Variants in SREBF2 observed in about 807,000 individuals in gnomAD.
SREBF2 encodes sterol regulatory element binding transcription factor 2, also known as sterol regulatory element-binding protein 2.
Under a neutral mutation model 113.1 loss-of-function variants are expected in SREBF2, and 55 were observed. The observed-to-expected ratio is 0.49, with a 90% confidence interval of 0.39 to 0.61. The LOEUF (loss-of-function observed/expected upper bound fraction) is 0.61, where lower values mean the gene tolerates loss of function less well. SREBF2 is among the 20% of genes least tolerant of loss of function. The pLI, the probability that SREBF2 is intolerant of heterozygous loss-of-function variation, is 0.00. For missense variants in SREBF2, 1,349 were observed against 1,487.4 expected, an observed-to-expected ratio of 0.91 and a Z score of 1.53; for synonymous variants, 593 against 605.7, an observed-to-expected ratio of 0.98 and a Z score of 0.31.
At chr22:41,883,615 G>C (rs970108365) in intron 10 of SREBF2, among the ~76,000 whole-genome samples, 3 of 152,206 alleles carry the variant, frequency 2.0e-5, no homozygotes, top group Non-Finnish European at 4.4e-5. Flanking sequence ...GTGAGGCACT[G>C]AGGGGACAGA....
chr22:41,862,702 A>G (rs2077037802), intron 1 of SREBF2, among the ~76,000 whole-genome samples: 1 of 152,150 alleles, frequency 6.6e-6, no homozygotes, highest in East Asian at 1.9e-4. Flanking sequence ...CTGGTTCTCC[A>G]GGCCTCCTCT....
Position 41,884,843 on chromosome 22 carries a change from G to A in SREBF2, c.2040G>A (p.Gly680=), listed in dbSNP as rs753901242. The A allele has an allele frequency of 6.2e-7, 1 of 1,614,198 alleles. No homozygotes were observed. Among genetic ancestry groups the A allele is most frequent in the South Asian group, 1.1e-5 (1 of 91,082 alleles). ...YHRLHQLHIT[G]KLPAGSACSD... ...AGTGTCTGTTTCTGCCCACCCTAGG[G>A]AAGCTTCCTGCAGGATCCGCCTGTT... Residue 680 remains glycine (G), a splice_region_variant and synonymous_variant, in exon 11 of 19, where the codon GGG becomes GGA. Coordinates refer to ENST00000361204, the MANE Select transcript of SREBF2 (RefSeq NM_004599.4).
intron 1 of SREBF2, among the ~76,000 whole-genome samples, chr22:41,861,318 C>T (rs1168679470): frequency 2.0e-5 from 3 of 151,954 alleles, no homozygotes; most frequent in Non-Finnish European, 2.9e-5. Flanking sequence ...CCCCTCTCTA[C>T]TAAAAATACA....
At chr22:41,894,767 A>T (rs1343258944) in intron 12 of SREBF2, 53 bp from the exon 13 acceptor site, 4 of 1,477,728 alleles carry the variant, frequency 2.7e-6, no homozygotes, top group Non-Finnish European at 2.8e-6. Context: ...GTAAAGACAA[A>T]GTGGGCTCAT....
chr22:41,858,470 G>A (rs1602289637), intron 1 of SREBF2, among the ~76,000 whole-genome samples: 1 of 152,110 alleles, frequency 6.6e-6, no homozygotes, highest in Non-Finnish European at 1.5e-5. Flanking sequence ...TAAAAAACAC[G>A]GAGTGGGCAT....
intron 11 of SREBF2, chr22:41,891,508 C>T (rs1376653584): frequency 1.3e-5 from 2 of 152,208 alleles, no homozygotes; most frequent in Non-Finnish European, 2.9e-5. Flanking sequence ...CAGGTTCCCC[C>T]TGGAGAGAGA....
intron 1 of SREBF2, chr22:41,834,485 A>G (rs1449394334): frequency 6.6e-6 from 1 of 152,642 alleles, no homozygotes; most frequent in Non-Finnish European, 1.5e-5. Context: ...TGTACTTTTC[A>G]GTTTTCAGAA....
intron 9 of SREBF2, chr22:41,878,779 C>T: frequency 7.8e-7 from 1 of 1,287,744 alleles, no homozygotes; most frequent in Non-Finnish European, 1.0e-6. Flanking sequence ...GGCCTGCCCT[C>T]CCCACCTCTG....
At chr22:41,864,939 C>T (rs2077061544) in intron 1 of SREBF2, among the ~76,000 whole-genome samples, 1 of 151,890 alleles carries the variant, frequency 6.6e-6, no homozygotes, top group Non-Finnish European at 1.5e-5. Context: ...GGTGACAGAG[C>T]AATACCCTAT....
At chr22:41,886,969 G>A (rs1745131783) in intron 11 of SREBF2, among the ~76,000 whole-genome samples, 1 of 152,230 alleles carries the variant, frequency 6.6e-6, no homozygotes. Context: ...AGGAGGTGGA[G>A]GGTGCATTGA....
chr22:41,906,506 T>C lies in SREBF2; in HGVS notation c.*846T>C, dbSNP rs1442504512. On this transcript the variant is annotated 3_prime_UTR_variant, in exon 19 of 19. Transcript: ENST00000361204. ...CCTTCAGCATGGCTTCTAGGTTCCC[T>C]CCTCCCCCTACCCCATCTCCTACCT... is the stretch of plus-strand genomic sequence containing the variant. The C allele has an allele frequency of 6.2e-6, 1 of 160,100 alleles. No individual in the cohort carries two copies. Among genetic ancestry groups the C allele is most frequent in the African/African-American group, 2.4e-5 (1 of 41,432 alleles). 9.9% of individuals were successfully genotyped at this position (160,100 alleles called of 1,614,324 possible). A position where few individuals can be genotyped will look rare whatever the true frequency, so the allele number is the denominator to read the frequency against.
chr22:41,883,078 A>C (rs1320138082), intron 10 of SREBF2, among the ~76,000 whole-genome samples: 1 of 152,226 alleles, frequency 6.6e-6, no homozygotes, highest in Non-Finnish European at 1.5e-5. Flanking sequence ...GCCACTGCAC[A>C]TGCATGCAGA....
intron 1 of SREBF2, among the ~76,000 whole-genome samples, chr22:41,848,866 A>G (rs535699373): frequency 4.7e-4 from 71 of 152,228 alleles, no homozygotes; most frequent in African/African-American, 1.5e-3. Flanking sequence ...GGTGATTTAC[A>G]TATATTAACT....
Position 41,867,694 on chromosome 22 carries a change from C to A in SREBF2, c.538+414C>A, listed in dbSNP as rs111439400. 4.6e-3 allele frequency among the ~76,000 whole-genome samples: 707 copies of A among 152,190 alleles called. 5 individuals carry two copies. The highest frequency in any genetic ancestry group is 0.017 in the Middle Eastern group (5 of 294). On this transcript the variant is annotated intron_variant, in intron 2 of 18. Coordinates refer to ENST00000361204, the MANE Select transcript of SREBF2 (RefSeq NM_004599.4). ...TGGTGGCGGGCGCCTGTAGTCCCAGCTACTCGGGAGGCTGAGGCAGGAGAA... is the reference window on the plus strand; with the variant it reads ...TGGTGGCGGGCGCCTGTAGTCCCAGATACTCGGGAGGCTGAGGCAGGAGAA...
chr22:41,904,422 TCTCTTC>T, intron 17 of SREBF2: 1 of 378,584 alleles, frequency 2.6e-6, no homozygotes, highest in Non-Finnish European at 5.3e-6. Context: ...ACCTCTAGAC[TCTCTTC>T]CTTTCTAAAG....
At chr22:41,871,757 T>C (rs181414465) in intron 4 of SREBF2, among the ~76,000 whole-genome samples, 8 of 151,758 alleles carry the variant, frequency 5.3e-5, no homozygotes, top group Non-Finnish European at 1.0e-4. Context: ...CTGGGTATGG[T>C]GGTGCATGGT....
At position 41,903,163 on chromosome 22, in the gene SREBF2, C is replaced by T. The variant is rs779737315; in HGVS notation, c.3093+8C>T. ...CGCCCAGCATACCGCAAGGTGAGGC[C>T]CAGCTGGCTGGTGGGGCAGGGCAGA... On this transcript the variant is annotated splice_region_variant and intron_variant, in intron 17 of 18. Transcript: ENST00000361204. 1.2e-4 allele frequency: 188 copies of T among 1,549,342 alleles called. No individual in the cohort carries two copies. Among genetic ancestry groups the T allele is most frequent in the South Asian group, 2.4e-5 (2 of 84,146 alleles).
At chr22:41,900,815 C>T (rs533554713) in intron 16 of SREBF2, 8 of 519,460 alleles carry the variant, frequency 1.5e-5, no homozygotes, top group East Asian at 4.8e-5. Flanking sequence ...TTTGCTCCAG[C>T]GGTTTGCGTG....
In SREBF2 at chr22:41,846,665, A is replaced by G. The variant is rs1179865067; in HGVS notation, c.88+13307A>G. ...CTCCATTTTGCACCGTGCTGTCTCT[A>G]CTTCAGCAGCTGGCAGGACATTTCC... On this transcript the variant is annotated intron_variant, in intron 1 of 18. Coordinates refer to ENST00000361204, the MANE Select transcript of SREBF2 (RefSeq NM_004599.4). Among the ~76,000 whole-genome samples the G allele has an allele frequency of 2.6e-5, 4 of 152,180 alleles. No individual in the cohort carries two copies. In the South Asian group the frequency reaches 6.2e-4, roughly 24 times the overall value.
Sources: allele counts gnomAD v4.1 joint callset (sites outside exome capture counted in the v4.1 genomes callset), GRCh38; gene constraint gnomAD v4.1.1; transcripts MANE v1.5; gene names NCBI Gene and HGNC (gene_info 2026-07-23, HGNC 2026-07-21).